MEIS2: variants seen among roughly 807,000 people sequenced by gnomAD.
MEIS2 encodes Meis homeobox 2, also known as homeobox protein Meis2.
Under a neutral mutation model 58.6 loss-of-function variants are expected in MEIS2, and 9 were observed. The ratio of observed to expected loss-of-function variants is 0.15; its 90% CI spans 0.09 to 0.27. The LOEUF is 0.27. Among genes scored for constraint, MEIS2 ranks in the 10% least tolerant of loss-of-function variants. The pLI, the probability that MEIS2 is intolerant of heterozygous loss-of-function variation, is 1.00. For synonymous variants in MEIS2, 221 were observed against 228.4 expected, an observed-to-expected ratio of 0.97 and a Z score of 0.29; for missense variants, 427 against 635.0, an observed-to-expected ratio of 0.67 and a Z score of 3.52.
chr15:37,054,702 G>C (rs2063064700), intron 7 of MEIS2, among the ~76,000 whole-genome samples: 1 of 152,180 alleles, frequency 6.6e-6, no homozygotes, highest in South Asian at 2.1e-4. Context: ...TATAGGCTGA[G>C]CCACCGTGCC....
In MEIS2 at chr15:36,892,140, CGT is replaced by C. The variant is rs779171420; in HGVS notation, c.*31_*32del. 2 of 1,605,780 alleles carry C rather than the reference CGT, an allele frequency of 1.2e-6. No homozygotes were observed. Among genetic ancestry groups the C allele is most frequent in the South Asian group, 2.2e-5 (2 of 90,114 alleles). On this transcript the variant is annotated 3_prime_UTR_variant, in exon 12 of 12. Coordinates refer to ENST00000561208, the MANE Select transcript of MEIS2 (RefSeq NM_170675.5). ...TCAGAAAGTCTTAAAATAGTTTTTGCGTGTGTTTCCTTTTCCCTTGAGTTCCC... is the reference window on the plus strand; with the variant it reads ...TCAGAAAGTCTTAAAATAGTTTTTGCGTGTTTCCTTTTCCCTTGAGTTCCC...
At chr15:36,963,922 C>T (rs899250033) in intron 8 of MEIS2, among the ~76,000 whole-genome samples, 3 of 152,198 alleles carry the variant, frequency 2.0e-5, no homozygotes, top group African/African-American at 7.2e-5. Context: ...TAGAACTACA[C>T]TCTCTGGAGA....
At chr15:37,027,173 G>A (rs1032603811) in intron 8 of MEIS2, among the ~76,000 whole-genome samples, 2 of 152,164 alleles carry the variant, frequency 1.3e-5, no homozygotes, top group Non-Finnish European at 2.9e-5. Context: ...GAGAAATGGG[G>A]CTGGATATCA....
At chr15:37,039,123 G>C (rs2062296777) in intron 7 of MEIS2, among the ~76,000 whole-genome samples, 1 of 152,134 alleles carries the variant, frequency 6.6e-6, no homozygotes, top group Non-Finnish European at 1.5e-5. Context: ...GCAGTACCCG[G>C]AGATGAGGAA....
At chr15:37,036,139 A>T (rs1414146628) in intron 8 of MEIS2, among the ~76,000 whole-genome samples, 7 of 152,234 alleles carry the variant, frequency 4.6e-5, no homozygotes, top group African/African-American at 1.7e-4. Context: ...CAGGAAGATA[A>T]AGATAAATTG....
intron 8 of MEIS2, among the ~76,000 whole-genome samples, chr15:37,031,815 T>TGTGTGTGTGTG (rs2061937382): frequency 1.4e-4 from 19 of 134,126 alleles, no homozygotes; most frequent in African/African-American, 5.3e-4. Context: ...TTACATCACT[T>TGTGTGTGTGTG]TGTGTGTGTG....
intron 7 of MEIS2, among the ~76,000 whole-genome samples, chr15:37,058,220 T>G (rs901041996): frequency 3.3e-5 from 5 of 152,188 alleles, no homozygotes; most frequent in African/African-American, 1.2e-4. Context: ...CAGGTCAAGA[T>G]GTGGGTTCCA....
chr15:37,059,018 A>T (rs1186971388), intron 7 of MEIS2, among the ~76,000 whole-genome samples: 1 of 152,266 alleles, frequency 6.6e-6, no homozygotes, highest in Non-Finnish European at 1.5e-5. Flanking sequence ...ATTAATGCAT[A>T]TATTCACTTG....
At chr15:37,010,824 C>T (rs1482006249) in intron 8 of MEIS2, among the ~76,000 whole-genome samples, 1 of 152,224 alleles carries the variant, frequency 6.6e-6, no homozygotes, top group East Asian at 1.9e-4. Flanking sequence ...TCCAAACTCA[C>T]ATTCACATCT....
chr15:37,048,830 A>G (rs1038668392), intron 7 of MEIS2, among the ~76,000 whole-genome samples: 1 of 152,182 alleles, frequency 6.6e-6, no homozygotes, highest in Non-Finnish European at 1.5e-5. Flanking sequence ...GAAAAAATGA[A>G]CAATAGTATT....
In MEIS2 at chr15:36,925,851, G is replaced by A. The variant is rs370320423; in HGVS notation, c.977+24473C>T. ...GTGACATCTTCGCTCGTTTGCCGCT[G>A]CTCATTAACAAACAATACTGCTGTG... On this transcript the variant is annotated intron_variant, in intron 9 of 11. Transcript: ENST00000561208. Among the ~76,000 whole-genome samples, 15 of 152,224 alleles carry A rather than the reference G, an allele frequency of 9.9e-5. 2 individuals carry two copies. The highest frequency in any genetic ancestry group is 3.3e-4 in the Admixed American group (5 of 15,292).
chr15:37,031,211 C>T (rs570791421), intron 8 of MEIS2, among the ~76,000 whole-genome samples: 5 of 152,152 alleles, frequency 3.3e-5, no homozygotes, highest in East Asian at 3.9e-4. Flanking sequence ...AAAAATGAGG[C>T]GCAGAGAGGG....
chr15:36,956,419 C>A (rs963432338), intron 8 of MEIS2, among the ~76,000 whole-genome samples: 4 of 152,078 alleles, frequency 2.6e-5, no homozygotes, highest in African/African-American at 9.7e-5. Flanking sequence ...CTTCCCCTTT[C>A]TTTTTGATAA....
At chr15:37,028,923 A>AT (rs2061804979) in intron 8 of MEIS2, among the ~76,000 whole-genome samples, 1 of 148,602 alleles carries the variant, frequency 6.7e-6, no homozygotes, top group Admixed American at 6.8e-5. Flanking sequence ...CAAAATCATT[A>AT]TGAAATAGGA....
intron 10 of MEIS2, 27 bp from the exon 11 acceptor site, chr15:36,895,288 A>G: frequency 3.2e-6 from 5 of 1,586,414 alleles, no homozygotes; most frequent in Non-Finnish European, 4.3e-6. Flanking sequence ...GAGGACACAG[A>G]GGAGAAAGAA....
intron 7 of MEIS2, 110 bp downstream of exon 7, chr15:37,083,661 C>G: frequency 1.3e-6 from 1 of 753,336 alleles, no homozygotes. Flanking sequence ...ATTCTACTCC[C>G]TAACCTGCCA....
rs550701321 is a variant in MEIS2, at chr15:37,100,218, C to G, written c.-752G>C. On this transcript the variant is annotated 5_prime_UTR_variant, in exon 1 of 12. Coordinates refer to ENST00000561208, the MANE Select transcript of MEIS2 (RefSeq NM_170675.5). ...TGCAAAAATTGGACTTCCTCCCCCC[C>G]TTTCCTGGTAGGTATTTTGTCTCTC... The G allele has an allele frequency of 5.2e-5, 8 of 152,680 alleles. No homozygotes were observed. Among genetic ancestry groups the G allele is most frequent in the East Asian group, 1.9e-4 (1 of 5,166 alleles). 9.5% of individuals were successfully genotyped at this position (152,680 alleles called of 1,614,324 possible). A position where few individuals can be genotyped will look rare whatever the true frequency, so the allele number is the denominator to read the frequency against.
chr15:36,950,518 G>T, intron 8 of MEIS2, 118 bp from the exon 9 acceptor site: 1 of 944,058 alleles, frequency 1.1e-6, no homozygotes, highest in Non-Finnish European at 1.6e-6. Context: ...TTTCCTACTT[G>T]CATCTTTTTT....
At chr15:37,080,217 G>A (rs1479915740) in intron 7 of MEIS2, among the ~76,000 whole-genome samples, 1 of 151,972 alleles carries the variant, frequency 6.6e-6, no homozygotes, top group African/African-American at 2.4e-5. Flanking sequence ...ATTCATTGCG[G>A]CTGAACCCAT....
Sources: gnomAD v4.1 joint callset for allele counts (sites outside exome capture counted in the v4.1 genomes callset) on GRCh38, gnomAD v4.1.1 for gene constraint, MANE v1.5 for transcripts, NCBI Gene and HGNC (gene_info 2026-07-23, HGNC 2026-07-21) for gene names.